Variants in TAFA2 observed in about 807,000 individuals in gnomAD.
TAFA2 encodes the protein TAFA chemokine like family member 2, also known as chemokine-like protein TAFA-2.
In TAFA2, 7 loss-of-function variants were observed where a neutral mutation model predicts 18.8. The observed-to-expected ratio is 0.37, with a 90% CI of 0.21 to 0.70. TAFA2 has a LOEUF of 0.70. Among genes scored for constraint, TAFA2 ranks in the 30% least tolerant of loss-of-function variants. The pLI is 0.53. For synonymous variants in TAFA2, 60 were observed against 54.2 expected (o/e 1.11, Z -0.47); for missense variants, 122 against 158.1 (o/e 0.77, Z 1.23).
chr12:62,063,855 G>GACACACAC (rs3031045), intron 1 of TAFA2, among the ~76,000 whole-genome samples: 14,968 of 147,874 alleles, frequency 0.1, 779 homozygotes, highest in Non-Finnish European at 0.12. Flanking sequence ...AGGGTGGCTG[G>GACACACAC]ACACACACAC....
chr12:61,836,732 G>GATATATATATAT (rs3034054), intron 2 of TAFA2, among the ~76,000 whole-genome samples: 46 of 112,768 alleles, frequency 4.1e-4, no homozygotes, highest in East Asian at 2.8e-3. Flanking sequence ...TTGCCAATTT[G>GATATATATATAT]ATATATATAT....
At chr12:62,135,146 G>A (rs1870845053) in intron 1 of TAFA2, among the ~76,000 whole-genome samples, 1 of 152,052 alleles carries the variant, frequency 6.6e-6, no homozygotes, top group Admixed American at 6.6e-5. Context: ...CAAGGACTGT[G>A]TCTTAGTCAC....
intron 1 of TAFA2, among the ~76,000 whole-genome samples, chr12:62,082,648 C>A (rs1868341898): frequency 6.6e-6 from 1 of 152,120 alleles, no homozygotes; most frequent in Admixed American, 6.6e-5. Flanking sequence ...GACTAAGTCT[C>A]CAAGGAGCAC....
At chr12:61,759,709 G>T (rs1869445580) in intron 2 of TAFA2, among the ~76,000 whole-genome samples, 1 of 152,046 alleles carries the variant, frequency 6.6e-6, no homozygotes, top group African/African-American at 2.4e-5. Flanking sequence ...CGGAGAATAA[G>T]TCAGGGAAGC....
chr12:62,151,222 C>T (rs2062326360), intron 1 of TAFA2, among the ~76,000 whole-genome samples: 2 of 152,182 alleles, frequency 1.3e-5, no homozygotes, highest in Admixed American at 1.3e-4. Context: ...GATCCGAGGT[C>T]ACCTGGCTAA....
intron 1 of TAFA2, among the ~76,000 whole-genome samples, chr12:61,871,262 G>A (rs1037630073): frequency 4.6e-5 from 7 of 152,074 alleles, no homozygotes; most frequent in African/African-American, 1.4e-4. Flanking sequence ...TGACAAAGGG[G>A]CAATACCAGA....
chr12:61,763,527 G>C (rs1045376005), intron 2 of TAFA2, among the ~76,000 whole-genome samples: 1 of 151,858 alleles, frequency 6.6e-6, no homozygotes. Flanking sequence ...GTATCTAAAG[G>C]AATAAGTGGA....
intron 1 of TAFA2, among the ~76,000 whole-genome samples, chr12:61,919,105 C>T (rs180921298): frequency 6.4e-4 from 98 of 152,250 alleles, no homozygotes; most frequent in African/African-American, 2.3e-3. Flanking sequence ...TTCATTTTTA[C>T]AATGTACTGA....
At chr12:62,176,464 A>G (rs1252552454) in intron 1 of TAFA2, among the ~76,000 whole-genome samples, 1 of 152,174 alleles carries the variant, frequency 6.6e-6, no homozygotes, top group Non-Finnish European at 1.5e-5. Context: ...GGTTTTCAGA[A>G]GGTAAATGTA....
At chr12:61,788,424 G>A (rs1256965496) in intron 2 of TAFA2, among the ~76,000 whole-genome samples, 2 of 151,594 alleles carry the variant, frequency 1.3e-5, no homozygotes, top group Non-Finnish European at 3.0e-5. Flanking sequence ...ACTGTAAATG[G>A]TACATTCTCT....
chr12:62,153,995 G>C (rs767075853), intron 1 of TAFA2, among the ~76,000 whole-genome samples: 16 of 117,108 alleles, frequency 1.4e-4, no homozygotes, highest in Non-Finnish European at 2.4e-4. Context: ...TTTTGTACTA[G>C]AGCCTCATAC....
At position 61,820,570 on chromosome 12, in the gene TAFA2, A is replaced by G. The variant is rs552616785; in HGVS notation, c.106+46750T>C. 5.3e-5 allele frequency among the ~76,000 whole-genome samples: 8 copies of G among 152,144 alleles called. No homozygotes were observed. The East Asian group carries it at 1.5e-3, about 29-fold the overall frequency. On this transcript the variant is annotated intron_variant, in intron 2 of 4. Coordinates refer to ENST00000416284, the MANE Select transcript of TAFA2 (RefSeq NM_178539.5). ...AAGGAGAAAGAAAGGAAGGAAAAAA[A>G]GGAAGGAAGAGGAAAAAAAGAAATA... is the stretch of plus-strand genomic sequence containing the variant.
intron 2 of TAFA2, 47 bp downstream of exon 2, chr12:61,867,273 G>A (rs1874394816): frequency 2.6e-6 from 3 of 1,157,344 alleles, no homozygotes; most frequent in Non-Finnish European, 3.8e-6. Context: ...TGTGTTAAGG[G>A]TAGTCATCAT....
chr12:62,209,927 G>A (rs1347112009), intron 1 of TAFA2, among the ~76,000 whole-genome samples: 2 of 152,178 alleles, frequency 1.3e-5, no homozygotes, highest in Non-Finnish European at 2.9e-5. Flanking sequence ...CTGGCCAGGC[G>A]CAGGGGCTCA....
chr12:62,243,525 T>G (rs575688103), intron 1 of TAFA2, among the ~76,000 whole-genome samples: 3 of 152,326 alleles, frequency 2.0e-5, no homozygotes, highest in African/African-American at 4.8e-5. Flanking sequence ...TGATTTTCTG[T>G]TTCATTGTGT....
chr12:61,975,414 T>C (rs915574252), intron 1 of TAFA2, among the ~76,000 whole-genome samples: 5 of 151,732 alleles, frequency 3.3e-5, no homozygotes, highest in African/African-American at 1.2e-4. Context: ...TTTTACTTTC[T>C]GTGTTCTGTG....
chr12:62,121,569 C>T (rs898809918), intron 1 of TAFA2, among the ~76,000 whole-genome samples: 7 of 152,170 alleles, frequency 4.6e-5, no homozygotes, highest in African/African-American at 1.4e-4. Context: ...GGCAATGATT[C>T]AACCACCAGG....
rs1443927120 is a variant in TAFA2, at chr12:62,011,175, G to A, written c.-1-143749C>T. Among the ~76,000 whole-genome samples the A allele has an allele frequency of 5.3e-5, 8 of 150,780 alleles. No homozygotes were observed. The East Asian group carries it at 6.0e-4, about 11-fold the overall frequency. On this transcript the variant is annotated intron_variant, in intron 1 of 4. Coordinates refer to ENST00000416284, the MANE Select transcript of TAFA2 (RefSeq NM_178539.5). Reference sequence around the variant, plus strand: ...TGGGAAATGAGGAGTGCCTCTGCCCGGCTGCCCCGTCTGGGAAGTGAGGAG... The same window carrying A: ...TGGGAAATGAGGAGTGCCTCTGCCCAGCTGCCCCGTCTGGGAAGTGAGGAG...
At chr12:61,853,106 T>C (rs1873745812) in intron 2 of TAFA2, among the ~76,000 whole-genome samples, 2 of 152,212 alleles carry the variant, frequency 1.3e-5, no homozygotes, top group Admixed American at 1.3e-4. Context: ...AATCAGCTTG[T>C]GGTAATCATT....
Sources: gnomAD v4.1 joint callset for allele counts (sites outside exome capture counted in the v4.1 genomes callset) on GRCh38, gnomAD v4.1.1 for gene constraint, MANE v1.5 for transcripts, NCBI Gene and HGNC (gene_info 2026-07-23, HGNC 2026-07-21) for gene names.